The following DSCAML1 variants were observed in gnomAD, a reference collection of about 807,000 sequenced individuals.
DSCAML1 encodes cell adhesion molecule DSCAML1.
Under a neutral mutation model 200.5 loss-of-function variants are expected in DSCAML1, and 38 were observed. The ratio of observed to expected loss-of-function variants is 0.19; its 90% CI spans 0.15 to 0.25. DSCAML1 has a LOEUF of 0.25. Among genes scored for constraint, DSCAML1 ranks in the 10% least tolerant of loss-of-function variants. DSCAML1 has a pLI of 1.00. For synonymous variants in DSCAML1, 1,215 were observed against 1,165.0 expected (o/e 1.04, Z -0.87); for missense variants, 2,223 against 2,858.8 (o/e 0.78, Z 5.07).
At chr11:117,766,671 T>C (rs1044980059) in intron 3 of DSCAML1, among the ~76,000 whole-genome samples, 1 of 152,174 alleles carries the variant, frequency 6.6e-6, no homozygotes, top group African/African-American at 2.4e-5. Context: ...TTGCCTGCAA[T>C]TGTCTTAAAT....
intron 1 of DSCAML1, among the ~76,000 whole-genome samples, chr11:117,805,166 A>C (rs1271031502): frequency 2.0e-5 from 3 of 152,166 alleles, no homozygotes; most frequent in African/African-American, 7.2e-5. Flanking sequence ...TTGAGAGAAA[A>C]CATGATCCCA....
intron 3 of DSCAML1, among the ~76,000 whole-genome samples, chr11:117,659,603 G>C (rs970072594): frequency 6.6e-6 from 1 of 152,202 alleles, no homozygotes; most frequent in Non-Finnish European, 1.5e-5. Flanking sequence ...ACCCCTAGGG[G>C]AGGTGGAGGA....
chr11:117,792,378 C>T (rs114529774), intron 1 of DSCAML1, among the ~76,000 whole-genome samples: 32 of 152,226 alleles, frequency 2.1e-4, no homozygotes, highest in Middle Eastern at 3.4e-3. Context: ...CCAGCTGGCT[C>T]GCTGGGAGGG....
intron 3 of DSCAML1, among the ~76,000 whole-genome samples, chr11:117,726,335 C>A (rs1050802899): frequency 4.0e-5 from 6 of 151,230 alleles, no homozygotes; most frequent in Non-Finnish European, 5.9e-5. Flanking sequence ...AACCATTAAG[C>A]CAGATATTCT....
At chr11:117,699,816 A>G (rs2053638681) in intron 3 of DSCAML1, among the ~76,000 whole-genome samples, 1 of 152,214 alleles carries the variant, frequency 6.6e-6, no homozygotes, top group Non-Finnish European at 1.5e-5. Flanking sequence ...AGAGGACCCA[A>G]ACTGACACAG....
intron 8 of DSCAML1, among the ~76,000 whole-genome samples, chr11:117,515,813 G>T (rs1235886342): frequency 6.6e-6 from 1 of 151,838 alleles, no homozygotes; most frequent in Non-Finnish European, 1.5e-5. Flanking sequence ...TAGAGACGGG[G>T]TTTCATCATT....
chr11:117,651,260 C>G (rs1314434592), intron 3 of DSCAML1, among the ~76,000 whole-genome samples: 2 of 152,218 alleles, frequency 1.3e-5, no homozygotes, highest in African/African-American at 4.8e-5. Context: ...GATGATAAGG[C>G]CACAGAAATG....
chr11:117,595,605 G>A (rs184042793), intron 3 of DSCAML1, among the ~76,000 whole-genome samples: 19 of 152,276 alleles, frequency 1.2e-4, no homozygotes, highest in African/African-American at 3.6e-4. Context: ...TGCCAGGGCC[G>A]GCCCCGCCCA....
At chr11:117,761,935 T>TAGACTAAAAGAGTCAGTTATATCAAGC (rs2054811594) in intron 3 of DSCAML1, among the ~76,000 whole-genome samples, 1 of 152,176 alleles carries the variant, frequency 6.6e-6, no homozygotes, top group South Asian at 2.1e-4. Flanking sequence ...TGATACTGGG[T>TAGACTAAAAGAGTCAGTTATATCAAGC]AGACTAAAAG....
At chr11:117,623,732 C>T (rs1446654929) in intron 3 of DSCAML1, among the ~76,000 whole-genome samples, 1 of 152,166 alleles carries the variant, frequency 6.6e-6, no homozygotes, top group African/African-American at 2.4e-5. Flanking sequence ...AAAGACTTAG[C>T]CTGGCCCCTG....
At chr11:117,789,759 G>A (rs1256648477) in intron 1 of DSCAML1, among the ~76,000 whole-genome samples, 3 of 152,112 alleles carry the variant, frequency 2.0e-5, no homozygotes, top group East Asian at 1.9e-4. Context: ...TGGTCCAAGC[G>A]GTGACATCAG....
intron 3 of DSCAML1, among the ~76,000 whole-genome samples, chr11:117,712,521 T>C (rs559139777): frequency 2.5e-4 from 38 of 152,278 alleles, no homozygotes; most frequent in South Asian, 1.5e-3. Flanking sequence ...TGGTTTCTTA[T>C]GGAAATAAGA....
At chr11:117,776,025 A>G (rs2055123926) in intron 3 of DSCAML1, among the ~76,000 whole-genome samples, 2 of 152,158 alleles carry the variant, frequency 1.3e-5, no homozygotes, top group Non-Finnish European at 2.9e-5. Context: ...ATGTGCGGAG[A>G]TGAAGAAATG....
chr11:117,444,276 C>G (rs2048131672), intron 20 of DSCAML1, among the ~76,000 whole-genome samples: 1 of 152,190 alleles, frequency 6.6e-6, no homozygotes, highest in Non-Finnish European at 1.5e-5. Flanking sequence ...CTCAGTTTAC[C>G]TCTTTAACTG....
chr11:117,660,516 G>A (rs557137127), intron 3 of DSCAML1, among the ~76,000 whole-genome samples: 7 of 152,280 alleles, frequency 4.6e-5, no homozygotes, highest in South Asian at 4.2e-4. Flanking sequence ...CAAAGTCTTC[G>A]TGTAGATCTC....
chr11:117,730,028 A>C (rs1279340701), intron 3 of DSCAML1, among the ~76,000 whole-genome samples: 1 of 152,142 alleles, frequency 6.6e-6, no homozygotes, highest in Admixed American at 6.5e-5. Context: ...GTGAAACTCT[A>C]TCTCTACTAA....
intron 17 of DSCAML1, among the ~76,000 whole-genome samples, chr11:117,462,832 G>C (rs1399369259): frequency 6.6e-6 from 1 of 152,222 alleles, no homozygotes; most frequent in Non-Finnish European, 1.5e-5. Context: ...GCTAACGAGG[G>C]CCTTAATTAA....
chr11:117,599,192 AG>A (rs2051419147), intron 3 of DSCAML1, among the ~76,000 whole-genome samples: 1 of 152,028 alleles, frequency 6.6e-6, no homozygotes, highest in Non-Finnish European at 1.5e-5. Flanking sequence ...GACCCTGAGG[AG>A]GGGACCCTGG....
At chr11:117,575,150 C>T (rs1185508995) in intron 3 of DSCAML1, among the ~76,000 whole-genome samples, 1 of 152,160 alleles carries the variant, frequency 6.6e-6, no homozygotes, top group Non-Finnish European at 1.5e-5. Context: ...AAGATAGTGC[C>T]ATTACATTCC....
Sources: allele counts gnomAD v4.1 joint callset (sites outside exome capture counted in the v4.1 genomes callset), GRCh38; gene constraint gnomAD v4.1.1; transcripts MANE v1.5; gene names NCBI Gene and HGNC (gene_info 2026-07-23, HGNC 2026-07-21).